MATCAP2: variants seen among roughly 807,000 people sequenced by gnomAD.
MATCAP2 encodes the protein putative tyrosine carboxypeptidase MATCAP2.
the MATCAP2 span, chr7:36,357,036 T>A: frequency 1.2e-6 from 2 of 1,614,020 alleles, no homozygotes; most frequent in Admixed American, 1.7e-5. Flanking sequence ...TCTAAGTTGG[T>A]GGGTTTTATA....
the MATCAP2 span, among the ~76,000 whole-genome samples, chr7:36,384,141 TTG>T: frequency 6.6e-5 from 10 of 152,304 alleles, no homozygotes; most frequent in African/African-American, 2.4e-4. Context: ...TTTCAAATTT[TTG>T]TGTTTTTCAG....
chr7:36,336,146 G>A, the MATCAP2 span: 14 of 1,528,772 alleles, frequency 9.2e-6, no homozygotes, highest in South Asian at 1.7e-4. Context: ...TTCACTCGCA[G>A]TTCATACCTC....
chr7:36,367,362 A>C, the MATCAP2 span: 1 of 988,918 alleles, frequency 1.0e-6, no homozygotes, highest in Non-Finnish European at 1.2e-6. Flanking sequence ...CGGCGTGCAC[A>C]GCGCGGGCCA....
chr7:36,352,159 G>A, the MATCAP2 span, among the ~76,000 whole-genome samples: 1 of 151,768 alleles, frequency 6.6e-6, no homozygotes, highest in Admixed American at 6.6e-5. Context: ...ACTTTGGGAG[G>A]CCGAGGTGGG....
At chr7:36,382,524 G>A in the MATCAP2 span, among the ~76,000 whole-genome samples, 75 of 151,122 alleles carry the variant, frequency 5.0e-4, no homozygotes, top group African/African-American at 1.7e-3. Flanking sequence ...ATGGAGTCTC[G>A]CCTTGTTGTC....
At chr7:36,358,639 A>G in the MATCAP2 span, among the ~76,000 whole-genome samples, 3,453 of 152,356 alleles carry the variant, frequency 0.023, 68 homozygotes, top group Non-Finnish European at 0.034. Flanking sequence ...ACTGTTGTGC[A>G]TTCACTACTT....
At chr7:36,383,932 T>TA in the MATCAP2 span, 1 of 1,547,746 alleles carries the variant, frequency 6.5e-7, no homozygotes, top group Non-Finnish European at 8.8e-7. Context: ...TCTCTCCCTG[T>TA]AAAAATAAAA....
At chr7:36,365,009 C>T in the MATCAP2 span, among the ~76,000 whole-genome samples, 1 of 152,092 alleles carries the variant, frequency 6.6e-6, no homozygotes, top group South Asian at 2.1e-4. Context: ...AATGTACTGC[C>T]ACTAAATTAT....
chr7:36,334,971 C>A, the MATCAP2 span: 158 of 1,393,182 alleles, frequency 1.1e-4, no homozygotes, highest in East Asian at 3.4e-3. Context: ...TAAGAAAAAA[C>A]CCCTTCTAAA....
At chr7:36,325,357 T>G in the MATCAP2 span, 2 of 152,248 alleles carry the variant, frequency 1.3e-5, no homozygotes, top group African/African-American at 4.8e-5. Context: ...AGCTAGAGTA[T>G]ATCCTGTTTG....
the MATCAP2 span, among the ~76,000 whole-genome samples, chr7:36,374,549 A>T: frequency 0.51 from 76,805 of 151,918 alleles, 19,647 homozygotes; most frequent in African/African-American, 0.54. Context: ...ATTATTTTTT[A>T]AAATTATATT....
At chr7:36,331,118 G>A in the MATCAP2 span, 1 of 1,261,782 alleles carries the variant, frequency 7.9e-7, no homozygotes, top group Non-Finnish European at 1.2e-6. Context: ...CTGATGTTCA[G>A]AAAAATTACT....
the MATCAP2 span, chr7:36,336,125 A>G: frequency 6.8e-7 from 1 of 1,463,810 alleles, no homozygotes; most frequent in Non-Finnish European, 9.1e-7. Context: ...CAATGACAGT[A>G]ATTCCTTGTG....
chr7:36,379,449 C>A, the MATCAP2 span, among the ~76,000 whole-genome samples: 68 of 152,142 alleles, frequency 4.5e-4, no homozygotes, highest in African/African-American at 1.5e-3. Context: ...TAACTATAAC[C>A]ATGCATGTGT....
chr7:36,355,206 C>T, the MATCAP2 span: 1 of 152,216 alleles, frequency 6.6e-6, no homozygotes, highest in Non-Finnish European at 1.5e-5. Flanking sequence ...TAACAGCTAA[C>T]CTCTTTATTA....
chr7:36,352,997 C>A, the MATCAP2 span, among the ~76,000 whole-genome samples: 1 of 151,716 alleles, frequency 6.6e-6, no homozygotes, highest in South Asian at 2.1e-4. Flanking sequence ...AGGTCAGGCC[C>A]GGCGCAGTGG....
chr7:36,374,334 C>T, the MATCAP2 span, among the ~76,000 whole-genome samples: 3 of 151,994 alleles, frequency 2.0e-5, no homozygotes, highest in African/African-American at 7.3e-5. Flanking sequence ...CCTGCCTTGC[C>T]CTCCCAAAGT....
At chr7:36,344,001 T>A in the MATCAP2 span, among the ~76,000 whole-genome samples, 1 of 152,274 alleles carries the variant, frequency 6.6e-6, no homozygotes, top group Admixed American at 6.5e-5. Flanking sequence ...CAGCAATATA[T>A]ACCTAAAATG....
At chr7:36,336,466 G>A in the MATCAP2 span, among the ~76,000 whole-genome samples, 5 of 152,106 alleles carry the variant, frequency 3.3e-5, no homozygotes, top group African/African-American at 4.8e-5. Context: ...ACTCATTTTC[G>A]CAAATTTGTA....
Sources: gnomAD v4.1 joint callset for allele counts (sites outside exome capture counted in the v4.1 genomes callset) on GRCh38, gnomAD v4.1.1 for gene constraint, MANE v1.5 for transcripts, NCBI Gene and HGNC (gene_info 2026-07-23, HGNC 2026-07-21) for gene names.